NELL2: variants seen among roughly 807,000 people sequenced by gnomAD.
NELL2 encodes the protein neural EGFL like 2.
Under a neutral mutation model 109.6 loss-of-function variants are expected in NELL2, and 41 were observed. The observed-to-expected ratio is 0.37, with a 90% CI of 0.29 to 0.49. The LOEUF is 0.49. Ranked by LOEUF, NELL2 falls within the 20% of genes least tolerant of loss-of-function variation. NELL2 has a pLI of 0.98. For synonymous variants in NELL2, 355 were observed against 344.7 expected (o/e 1.03, Z -0.33); for missense variants, 900 against 1,008.3 (o/e 0.89, Z 1.45).
chr12:44,596,809 CAT>C (rs991417858), intron 15 of NELL2, among the ~76,000 whole-genome samples: 12 of 152,254 alleles, frequency 7.9e-5, no homozygotes, highest in South Asian at 2.1e-4. Context: ...CCCTATTCCA[CAT>C]AGAGAAGTCA....
chr12:44,540,164 T>A (rs1942486456), intron 15 of NELL2, among the ~76,000 whole-genome samples: 1 of 152,220 alleles, frequency 6.6e-6, no homozygotes, highest in Non-Finnish European at 1.5e-5. Flanking sequence ...CACCTCTGAT[T>A]AAAATGAAAG....
At chr12:44,633,735 TATG>T (rs1946536977) in intron 13 of NELL2, among the ~76,000 whole-genome samples, 1 of 152,150 alleles carries the variant, frequency 6.6e-6, no homozygotes, top group African/African-American at 2.4e-5. Context: ...CCACCCCTAA[TATG>T]ATAACACATT....
At chr12:44,782,058 C>G (rs551014211) in intron 3 of NELL2, among the ~76,000 whole-genome samples, 2 of 151,812 alleles carry the variant, frequency 1.3e-5, no homozygotes, top group Non-Finnish European at 2.9e-5. Flanking sequence ...AGCAACAGCT[C>G]AAAATTGAAG....
intron 12 of NELL2, among the ~76,000 whole-genome samples, chr12:44,666,151 C>A (rs1334715236): frequency 1.3e-5 from 2 of 152,022 alleles, no homozygotes; most frequent in African/African-American, 4.8e-5. Flanking sequence ...GATAAAGTTA[C>A]AATAGAGACC....
intron 14 of NELL2, among the ~76,000 whole-genome samples, chr12:44,607,971 C>A (rs138830962): frequency 7.9e-5 from 12 of 152,064 alleles, no homozygotes; most frequent in Admixed American, 2.0e-4. Context: ...ATTGCAAGGG[C>A]GATCTCTTGA....
intron 15 of NELL2, among the ~76,000 whole-genome samples, chr12:44,584,934 A>G (rs544923099): frequency 1.3e-5 from 2 of 152,332 alleles, no homozygotes; most frequent in Admixed American, 1.3e-4. Context: ...CATGATCATC[A>G]CATTGTACTT....
At chr12:44,866,362 C>CA in intron 2 of NELL2, among the ~76,000 whole-genome samples, 1 of 151,810 alleles carries the variant, frequency 6.6e-6, no homozygotes, top group Admixed American at 6.6e-5. Flanking sequence ...ACTAATTGGT[C>CA]AAAAAAGAAA....
chr12:44,570,884 C>A (rs566958565), intron 15 of NELL2, among the ~76,000 whole-genome samples: 2 of 152,178 alleles, frequency 1.3e-5, no homozygotes, highest in East Asian at 1.9e-4. Context: ...TATGTCTAAA[C>A]CAAATTTAGC....
intron 12 of NELL2, among the ~76,000 whole-genome samples, chr12:44,673,154 G>C (rs1384184521): frequency 6.6e-6 from 1 of 152,150 alleles, no homozygotes; most frequent in Admixed American, 6.5e-5. Flanking sequence ...CGCCCTGTCT[G>C]CAGAGGAAGA....
rs1176242379 is a variant in NELL2, at chr12:44,665,613, T to G, written c.1319-4A>C. On this transcript the variant is annotated splice_polypyrimidine_tract_variant and splice_region_variant and intron_variant, in intron 12 of 19. Coordinates refer to ENST00000429094, the MANE Select transcript of NELL2 (RefSeq NM_001145108.2). The stretch of plus-strand genomic sequence containing the variant: ...CCTTCAGCACACTCATCGATGTCTG[T>G]GAAGAAAAACAGGACAAAGAGGTCA... 1 of 1,611,038 alleles carries G rather than the reference T, an allele frequency of 6.2e-7. No individual in the cohort carries two copies. The highest frequency in any genetic ancestry group is 2.2e-5 in the East Asian group (1 of 44,850).
chr12:44,510,125 C>T (rs1940929195), intron 19 of NELL2, among the ~76,000 whole-genome samples: 1 of 152,186 alleles, frequency 6.6e-6, no homozygotes, highest in Admixed American at 6.5e-5. Context: ...TGCACTCTTA[C>T]TTTTCTCAAC....
intron 13 of NELL2, among the ~76,000 whole-genome samples, chr12:44,663,458 C>T (rs532159462): frequency 6.6e-6 from 1 of 152,262 alleles, no homozygotes; most frequent in Admixed American, 6.5e-5. Context: ...TAAAGAAATA[C>T]ATTTTATCAT....
chr12:44,582,414 A>T (rs1000582611), intron 15 of NELL2, among the ~76,000 whole-genome samples: 4 of 149,906 alleles, frequency 2.7e-5, no homozygotes, highest in African/African-American at 5.1e-5. Context: ...CAAGAAAGTT[A>T]GGGTATTCAT....
intron 15 of NELL2, among the ~76,000 whole-genome samples, chr12:44,552,754 C>T (rs966916754): frequency 6.6e-5 from 10 of 152,014 alleles, no homozygotes; most frequent in Non-Finnish European, 1.0e-4. Flanking sequence ...GAAACTATCC[C>T]AAAGCCCCAC....
At chr12:44,745,225 G>GAAAATTCTTTGC (rs1940264937) in intron 9 of NELL2, among the ~76,000 whole-genome samples, 2 of 151,590 alleles carry the variant, frequency 1.3e-5, no homozygotes, top group South Asian at 4.1e-4. Context: ...AACAGATGCA[G>GAAAATTCTTTGC]AAAAGGCCTT....
At chr12:44,813,122 CAAGGCCCCAA>C (rs1435097288) in intron 3 of NELL2, among the ~76,000 whole-genome samples, 1 of 152,148 alleles carries the variant, frequency 6.6e-6, no homozygotes, top group Non-Finnish European at 1.5e-5. Flanking sequence ...GTAATTTGTA[CAAGGCCCCAA>C]AAGCAATGAG....
intron 12 of NELL2, among the ~76,000 whole-genome samples, chr12:44,681,741 A>T (rs1948515661): frequency 1.3e-5 from 2 of 152,182 alleles, no homozygotes; most frequent in East Asian, 3.8e-4. Context: ...TACAAAGGAC[A>T]TGAACTCATC....
At chr12:44,616,182 A>G (rs1019074866) in intron 13 of NELL2, among the ~76,000 whole-genome samples, 1 of 152,142 alleles carries the variant, frequency 6.6e-6, no homozygotes, top group Non-Finnish European at 1.5e-5. Flanking sequence ...CTGGTAACAG[A>G]ACATAATATA....
At chr12:44,869,438 G>A (rs1945101083) in intron 2 of NELL2, among the ~76,000 whole-genome samples, 1 of 152,122 alleles carries the variant, frequency 6.6e-6, no homozygotes, top group African/African-American at 2.4e-5. Context: ...AGCCAAGTCA[G>A]CCTGTTTTTT....
Sources: gnomAD v4.1 joint callset for allele counts (sites outside exome capture counted in the v4.1 genomes callset) on GRCh38, gnomAD v4.1.1 for gene constraint, MANE v1.5 for transcripts, NCBI Gene and HGNC (gene_info 2026-07-23, HGNC 2026-07-21) for gene names.